FGF20: variants seen among roughly 807,000 people sequenced by gnomAD.
FGF20 encodes the protein fibroblast growth factor 20.
In FGF20, 8 loss-of-function variants were observed where a neutral mutation model predicts 16.7. That is an observed-to-expected ratio of 0.48 (90% CI 0.28 to 0.87). The LOEUF is 0.87. Ranked by LOEUF, FGF20 falls within the 40% of genes least tolerant of loss-of-function variation. FGF20 has a pLI of 0.10. For synonymous variants in FGF20, 161 were observed against 118.6 expected (o/e 1.36, Z -2.32); for missense variants, 397 against 281.4 (o/e 1.41, Z -2.94).
chr8:16,993,226 G>C lies in FGF20; in HGVS notation c.482C>G (p.Thr161Ser). The C allele has an allele frequency of 6.2e-7, 1 of 1,614,062 alleles. No homozygotes were observed. Among genetic ancestry groups the C allele is most frequent in the South Asian group, 1.1e-5 (1 of 91,070 alleles). Residue 161 changes from threonine to serine, a missense_variant, in exon 3 of 3, where the codon ACT becomes AGT. Transcript: ENST00000180166. ...AAGTGCCACAAAATACCTGCGGCCA[G>C]TGTCTCCATGTTTATATATGTTAGA... ...YSSNIYKHGD[T>S]GRRYFVALNK...
At chr8:16,996,396 C>T (rs1346230321) in intron 1 of FGF20, among the ~76,000 whole-genome samples, 2 of 151,846 alleles carry the variant, frequency 1.3e-5, no homozygotes, top group African/African-American at 4.9e-5. Context: ...GTTGAGCAGG[C>T]AAGTCATTTG....
rs115803956 is a variant in FGF20, at chr8:16,996,537, G to C, written c.287-779C>G. 9.0e-4 allele frequency among the ~76,000 whole-genome samples: 137 copies of C among 152,308 alleles called. 1 individual carries two copies. The highest frequency in any genetic ancestry group is 3.2e-3 in the African/African-American group (133 of 41,574). ...TATTATCATAAATTAGTATATAACA[G>C]AGGTATTCTCAGTTTTCCATGATCT... On this transcript the variant is annotated intron_variant, in intron 1 of 2. Transcript: ENST00000180166.
rs530611016 is a variant in FGF20, at chr8:16,992,903, T to C, written c.*169A>G. On this transcript the variant is annotated 3_prime_UTR_variant, in exon 3 of 3. Transcript: ENST00000180166. ...AAGAGTGATCATGATCTATTTCTAG[T>C]CAAAATTTTTTTTGGTTTTTTTTCT... 3.6e-5 allele frequency: 26 copies of C among 723,990 alleles called. No individual in the cohort carries two copies. The South Asian group carries it at 4.6e-4, about 13-fold the overall frequency. The allele number at this position is 723,990 out of a possible 1,614,324, so 44.8% of individuals were successfully genotyped here.
intron 1 of FGF20, among the ~76,000 whole-genome samples, chr8:16,998,121 C>G (rs1475252447): frequency 2.6e-5 from 4 of 152,088 alleles, no homozygotes; most frequent in Admixed American, 1.3e-4. Flanking sequence ...GTTTATTTTT[C>G]TTGGAAAACT....
chr8:16,996,071 G>C (rs754638625), intron 1 of FGF20, among the ~76,000 whole-genome samples: 1 of 152,186 alleles, frequency 6.6e-6, no homozygotes, highest in Non-Finnish European at 1.5e-5. Flanking sequence ...CCTTTGCAGC[G>C]GGGAGGAGCC....
intron 1 of FGF20, among the ~76,000 whole-genome samples, chr8:16,996,526 A>T (rs1474592462): frequency 6.6e-6 from 1 of 152,234 alleles, no homozygotes; most frequent in Non-Finnish European, 1.5e-5. Context: ...ATCATAAATT[A>T]GTATATAACA....
chr8:17,001,987 C>A lies in FGF20; in HGVS notation c.46G>T (p.Gly16Cys). ...EVGGFLGGLE[G>C]LGQQVGSHFL... ...TGCGAACCCACCTGCTGGCCCAAGC[C>A]CTCCAGGCCGCCCAGAAAGCCCCCG... Residue 16 changes from glycine to cysteine, a missense_variant, in exon 1 of 3, where the codon GGC (glycine) becomes TGC (cysteine). Coordinates refer to ENST00000180166, the MANE Select transcript of FGF20 (RefSeq NM_019851.3). 6.6e-7 allele frequency: 1 copy of A among 1,522,992 alleles called. No individual in the cohort carries two copies. The highest frequency in any genetic ancestry group is 8.8e-7 in the Non-Finnish European group (1 of 1,135,514). 94.3% of individuals were successfully genotyped at this position (1,522,992 alleles called of 1,614,324 possible).
chr8:16,997,644 G>A (rs562579269), intron 1 of FGF20, among the ~76,000 whole-genome samples: 6 of 152,254 alleles, frequency 3.9e-5, no homozygotes, highest in South Asian at 2.1e-4. Context: ...GTCTATAAGT[G>A]GCTTGAAAGA....
chr8:16,999,737 C>T (rs1294235349), intron 1 of FGF20, among the ~76,000 whole-genome samples: 1 of 141,336 alleles, frequency 7.1e-6, no homozygotes, highest in Non-Finnish European at 1.5e-5. Flanking sequence ...AGAGGGGTTT[C>T]ACTATCTTGG....
chr8:16,995,645 TA>T lies in FGF20; in HGVS notation c.390+9del. On this transcript the variant is annotated intron_variant, in intron 2 of 2. Transcript: ENST00000180166. ...TTACAATAATAATAAAAAATAAAAA[TA>T]ATACGTACTGATCCATAGAGTTCTC... 8.0e-7 allele frequency: 1 copy of T among 1,247,486 alleles called. No individual in the cohort carries two copies. Among genetic ancestry groups the T allele is most frequent in the Non-Finnish European group, 1.1e-6 (1 of 892,772 alleles). 77.3% of individuals were successfully genotyped at this position (1,247,486 alleles called of 1,614,324 possible).
chr8:16,995,443 G>A (rs889351494), intron 2 of FGF20, among the ~76,000 whole-genome samples: 2 of 152,174 alleles, frequency 1.3e-5, no homozygotes, highest in Non-Finnish European at 2.9e-5. Flanking sequence ...CTAATGAGCT[G>A]AAGGTAATAA....
In FGF20 at chr8:16,992,669, G is replaced by A. The variant is rs1809941709; in HGVS notation, c.*403C>T. 1 of 154,272 alleles carries A rather than the reference G, an allele frequency of 6.5e-6. No homozygotes were observed. Among genetic ancestry groups the A allele is most frequent in the Non-Finnish European group, 1.4e-5 (1 of 70,098 alleles). 9.6% of individuals were successfully genotyped at this position (154,272 alleles called of 1,614,324 possible). A position where few individuals can be genotyped will look rare whatever the true frequency, so the allele number is the denominator to read the frequency against. ...ATTCTACAAGGTCCTCAGAATTTATGTAGCAATGCTCTTGGCTAAGTCAAT... is the reference window on the plus strand; with the variant it reads ...ATTCTACAAGGTCCTCAGAATTTATATAGCAATGCTCTTGGCTAAGTCAAT... On this transcript the variant is annotated 3_prime_UTR_variant, in exon 3 of 3. Coordinates refer to ENST00000180166, the MANE Select transcript of FGF20 (RefSeq NM_019851.3).
chr8:16,995,402 T>C (rs981924393), intron 2 of FGF20, among the ~76,000 whole-genome samples: 1 of 152,166 alleles, frequency 6.6e-6, no homozygotes, highest in South Asian at 2.1e-4. Context: ...CAGAGAAAAC[T>C]AGAAAGACTC....
intron 1 of FGF20, among the ~76,000 whole-genome samples, chr8:17,000,551 T>G (rs539599469): frequency 6.6e-6 from 1 of 152,300 alleles, no homozygotes; most frequent in South Asian, 2.1e-4. Flanking sequence ...ATTAATGGTA[T>G]CTTTTTTAAA....
rs1417597853 is a variant in FGF20, at chr8:16,992,279, G to C, written c.*793C>G. The C allele has an allele frequency of 6.6e-6, 1 of 151,954 alleles. No individual in the cohort carries two copies. Among genetic ancestry groups the C allele is most frequent in the Non-Finnish European group, 1.5e-5 (1 of 67,990 alleles). The allele number at this position is 151,954 out of a possible 1,614,324, so 9.4% of individuals were successfully genotyped here. ...AAAGAAACCAACGTTACATTTAGAA[G>C]GCAATTGACTGCATAAAAAATATAA... On this transcript the variant is annotated 3_prime_UTR_variant, in exon 3 of 3. Transcript: ENST00000180166.
chr8:17,001,889 C>G lies in FGF20; in HGVS notation c.144G>C (p.Ala48=), dbSNP rs10448135. 0.77 allele frequency: 1,099,594 copies of G among 1,430,044 alleles called. 424,986 individuals are homozygous for G. Among genetic ancestry groups the G allele is most frequent in the East Asian group, 1 (32,688 of 32,736 alleles). 88.6% of individuals were successfully genotyped at this position (1,430,044 alleles called of 1,614,324 possible). A position where few individuals can be genotyped will look rare whatever the true frequency, so the allele number is the denominator to read the frequency against. ...GCTGCGCAGCCCCCGGCCCGCCGCG[C>G]GCGCTCCGCTCCGCCGCGCTCCTGC... The part of the protein sequence containing the change: ...GERRSAAERS[A]RGGPGAAQLA... The change falls in exon 1 of 3, where the codon GCG becomes GCC. Residue 48 remains alanine (A), a synonymous_variant. Coordinates refer to ENST00000180166, the MANE Select transcript of FGF20 (RefSeq NM_019851.3).
At chr8:17,001,106 A>T (rs558853782) in intron 1 of FGF20, among the ~76,000 whole-genome samples, 3 of 119,458 alleles carry the variant, frequency 2.5e-5, no homozygotes, top group Admixed American at 1.0e-4. Context: ...AGGGAACCTC[A>T]GACAGGTGAG....
At chr8:16,993,578 G>A (rs536250427) in intron 2 of FGF20, among the ~76,000 whole-genome samples, 1 of 152,090 alleles carries the variant, frequency 6.6e-6, no homozygotes, top group South Asian at 2.1e-4. Context: ...TTTTTCCACG[G>A]ACCAGGATGG....
chr8:16,999,103 A>G (rs1465030172), intron 1 of FGF20, among the ~76,000 whole-genome samples: 2 of 152,212 alleles, frequency 1.3e-5, no homozygotes, highest in Non-Finnish European at 2.9e-5. Context: ...AAAGTAAGTT[A>G]TGATGTCTAT....
Sources: gnomAD v4.1 joint callset for allele counts (sites outside exome capture counted in the v4.1 genomes callset) on GRCh38, gnomAD v4.1.1 for gene constraint, MANE v1.5 for transcripts, NCBI Gene and HGNC (gene_info 2026-07-23, HGNC 2026-07-21) for gene names.